ANO1: variants seen among roughly 807,000 people sequenced by gnomAD.
The protein encoded by ANO1 is anoctamin-1.
ANO1 carries 59 observed loss-of-function variants against 124.0 expected under a neutral mutation model. That is an observed-to-expected ratio of 0.48 (90% CI 0.39 to 0.59). The LOEUF (loss-of-function observed/expected upper bound fraction) is 0.59. Ranked by LOEUF, ANO1 falls within the 20% of genes least tolerant of loss-of-function variation. ANO1 has a pLI of 0.00. For synonymous variants in ANO1, 529 were observed against 532.0 expected (o/e 0.99, Z 0.08); for missense variants, 1,059 against 1,328.0 (o/e 0.80, Z 3.15).
intron 1 of ANO1, among the ~76,000 whole-genome samples, chr11:70,052,425 C>T (rs1272011922): frequency 6.6e-6 from 1 of 151,528 alleles, no homozygotes; most frequent in Non-Finnish European, 1.5e-5. Context: ...TTGTCAACCT[C>T]TCTTACACAG....
chr11:70,165,606 G>A (rs752300162), intron 20 of ANO1, 36 bp downstream of exon 20: 14 of 1,560,524 alleles, frequency 9.0e-6, no homozygotes, highest in East Asian at 4.6e-5. Context: ...CGGCAGGGGC[G>A]GGGCCAGGCG....
chr11:70,129,705 C>T (rs1311535705), intron 10 of ANO1: 1 of 151,734 alleles, frequency 6.6e-6, no homozygotes, highest in East Asian at 1.9e-4. Flanking sequence ...CTCAATGCAA[C>T]CTCCACCTCC....
At chr11:70,184,047 G>A (rs982366517) in intron 24 of ANO1, among the ~76,000 whole-genome samples, 1 of 152,196 alleles carries the variant, frequency 6.6e-6, no homozygotes, top group Non-Finnish European at 1.5e-5. Flanking sequence ...GCAAATCCAG[G>A]TGGCCCTTCT....
intron 9 of ANO1, among the ~76,000 whole-genome samples, chr11:70,125,688 C>T (rs2046478124): frequency 6.9e-6 from 1 of 144,892 alleles, no homozygotes. Context: ...ACTAAAAATA[C>T]AAAAAATTAG....
intron 10 of ANO1, among the ~76,000 whole-genome samples, chr11:70,126,482 C>T (rs2046515612): frequency 6.6e-6 from 1 of 152,222 alleles, no homozygotes; most frequent in African/African-American, 2.4e-5. Flanking sequence ...TTATGGTTGG[C>T]TTGTTCTTTT....
At chr11:70,146,439 C>T (rs1249357552) in intron 11 of ANO1, among the ~76,000 whole-genome samples, 3 of 151,962 alleles carry the variant, frequency 2.0e-5, no homozygotes, top group Admixed American at 6.6e-5. Flanking sequence ...CGAGCCGGAG[C>T]GGTAGTGGGG....
chr11:69,988,676 C>T (rs1856094220), intron 1 of ANO1, among the ~76,000 whole-genome samples: 1 of 152,208 alleles, frequency 6.6e-6, no homozygotes, highest in Non-Finnish European at 1.5e-5. Context: ...GCCTACTTAG[C>T]AGCTCCTTAG....
At chr11:70,051,921 T>C (rs77225070) in intron 1 of ANO1, among the ~76,000 whole-genome samples, 2 of 152,246 alleles carry the variant, frequency 1.3e-5, no homozygotes, top group Admixed American at 6.5e-5. Context: ...TTTTCCTTTA[T>C]GGTTACTGAT....
chr11:69,971,312 C>G, the ANO1 span, among the ~76,000 whole-genome samples: 15 of 152,244 alleles, frequency 9.9e-5, no homozygotes, highest in African/African-American at 3.6e-4. Flanking sequence ...ACACAATTTG[C>G]CTCATGGAGC....
intron 1 of ANO1, among the ~76,000 whole-genome samples, chr11:70,011,704 C>T (rs1400687175): frequency 1.3e-5 from 2 of 152,156 alleles, no homozygotes; most frequent in Non-Finnish European, 2.9e-5. Flanking sequence ...TTTGCCTCAT[C>T]GATGAAAGCT....
rs756868954 is a variant in ANO1 at position 70,161,217 on chromosome 11, C to T, written c.1635C>T (p.Ala545=). The T allele has an allele frequency of 1.3e-5, 21 of 1,613,688 alleles. No individual in the cohort carries two copies. The highest frequency in any genetic ancestry group is 6.7e-5 in the East Asian group (3 of 44,892). ...TCATCATCTACAGAATCTCCATGGCCGCCGCCTTGGCCATGAACTCCTCCC... is the reference window on the plus strand; with the variant it reads ...TCATCATCTACAGAATCTCCATGGCTGCCGCCTTGGCCATGAACTCCTCCC... ...LGVIIYRISM[A]AALAMNSSPS... Residue 545 remains alanine (A), a synonymous_variant, in exon 17 of 26, where the codon GCC becomes GCT. Transcript: ENST00000355303.
At chr11:70,123,265 C>T (rs1210026818) in intron 8 of ANO1, among the ~76,000 whole-genome samples, 3 of 152,320 alleles carry the variant, frequency 2.0e-5, no homozygotes, top group South Asian at 2.1e-4. Context: ...CAGCAGCAGG[C>T]GGCCCCTCTA....
intron 7 of ANO1, 31 bp downstream of exon 7, chr11:70,111,793 G>A (rs757132061): frequency 6.2e-7 from 1 of 1,612,750 alleles, no homozygotes. Context: ...ATTTATCTCT[G>A]CGTCATTTGA....
chr11:70,033,206 C>T (rs541295451), intron 1 of ANO1, among the ~76,000 whole-genome samples: 6 of 152,224 alleles, frequency 3.9e-5, no homozygotes, highest in African/African-American at 1.4e-4. Context: ...GCCAAGGGAC[C>T]TGCTTGCTCC....
chr11:70,034,748 A>T (rs1176959854), intron 1 of ANO1, among the ~76,000 whole-genome samples: 3 of 152,130 alleles, frequency 2.0e-5, no homozygotes, highest in Admixed American at 6.5e-5. Context: ...CCCCCCACAT[A>T]AAGAAGCGCA....
chr11:70,059,171 G>T (rs1036702493), intron 1 of ANO1, among the ~76,000 whole-genome samples: 1 of 151,268 alleles, frequency 6.6e-6, no homozygotes, highest in Non-Finnish European at 1.5e-5. Flanking sequence ...CAACCTGAGC[G>T]ACAGAGCCAG....
At chr11:69,994,805 G>C (rs1403024756) in intron 1 of ANO1, among the ~76,000 whole-genome samples, 1 of 152,144 alleles carries the variant, frequency 6.6e-6, no homozygotes, top group Non-Finnish European at 1.5e-5. Flanking sequence ...TGACACAAGT[G>C]GTGTGAGTTC....
chr11:70,103,450 C>G (rs931470379), intron 3 of ANO1, among the ~76,000 whole-genome samples: 1 of 152,118 alleles, frequency 6.6e-6, no homozygotes, highest in Non-Finnish European at 1.5e-5. Flanking sequence ...TCTCGGCCCC[C>G]GGGGAATTTA....
chr11:70,154,511 G>A (rs1293140651), intron 14 of ANO1, among the ~76,000 whole-genome samples: 1 of 131,860 alleles, frequency 7.6e-6, no homozygotes, highest in African/African-American at 2.8e-5. Flanking sequence ...TTGTAGCCCA[G>A]GCTGGAGTGC....
Sources: gnomAD v4.1 joint callset for allele counts (sites outside exome capture counted in the v4.1 genomes callset) on GRCh38, gnomAD v4.1.1 for gene constraint, MANE v1.5 for transcripts, NCBI Gene and HGNC (gene_info 2026-07-23, HGNC 2026-07-21) for gene names.